The following IMMP2L variants were observed in gnomAD, a reference collection of about 807,000 sequenced individuals.
IMMP2L encodes inner mitochondrial membrane peptidase subunit 2, also known as mitochondrial inner membrane protease subunit 2.
In IMMP2L, 18 loss-of-function variants were observed where a neutral mutation model predicts 19.3. The observed-to-expected ratio is 0.93, with a 90% CI of 0.64 to 1.38. The LOEUF is 1.38. Ranked by LOEUF, IMMP2L falls within the 40% of genes most tolerant of loss-of-function variation. IMMP2L has a pLI of 0.00. For synonymous variants in IMMP2L, 76 were observed against 73.0 expected, an observed-to-expected ratio of 1.04 and a Z score of -0.21; for missense variants, 233 against 218.2, an observed-to-expected ratio of 1.07 and a Z score of -0.43.
At chr7:111,402,663 A>G (rs1458905280) in intron 3 of IMMP2L, among the ~76,000 whole-genome samples, 1 of 152,122 alleles carries the variant, frequency 6.6e-6, no homozygotes. Flanking sequence ...CAGTGAGCCA[A>G]GATCGCACCA....
chr7:110,684,472 A>G (rs1238463252), intron 5 of IMMP2L, among the ~76,000 whole-genome samples: 1 of 152,016 alleles, frequency 6.6e-6, no homozygotes, highest in African/African-American at 2.4e-5. Flanking sequence ...CAGATAGTTC[A>G]GTGCTAGCTC....
intron 3 of IMMP2L, among the ~76,000 whole-genome samples, chr7:111,128,596 G>T (rs1005654271): frequency 3.9e-5 from 6 of 152,178 alleles, no homozygotes; most frequent in African/African-American, 1.4e-4. Context: ...GGAGGCTTAG[G>T]TGAGTGGATC....
At chr7:110,779,971 A>T (rs1182626109) in intron 5 of IMMP2L, among the ~76,000 whole-genome samples, 3 of 151,920 alleles carry the variant, frequency 2.0e-5, no homozygotes, top group African/African-American at 7.2e-5. Flanking sequence ...TAAATGAAAT[A>T]ACCATTGCTA....
At chr7:110,718,212 G>A (rs59756509) in intron 5 of IMMP2L, among the ~76,000 whole-genome samples, 5,853 of 152,258 alleles carry the variant, frequency 0.038, 139 homozygotes, top group Middle Eastern at 0.085. Context: ...GTAAGAATAA[G>A]AGGAAATACA....
At chr7:111,223,855 A>G (rs947217553) in intron 3 of IMMP2L, among the ~76,000 whole-genome samples, 1 of 152,164 alleles carries the variant, frequency 6.6e-6, no homozygotes, top group Non-Finnish European at 1.5e-5. Flanking sequence ...TCCTATGTGT[A>G]GCTTCCATTT....
intron 5 of IMMP2L, among the ~76,000 whole-genome samples, chr7:110,826,335 G>A (rs113813058): frequency 0.22 from 33,971 of 152,066 alleles, 3,884 homozygotes; most frequent in Non-Finnish European, 0.25. Context: ...TCCCATTACC[G>A]GGTATATACC....
At chr7:110,865,315 C>T (rs1016692978) in intron 5 of IMMP2L, among the ~76,000 whole-genome samples, 59 of 151,968 alleles carry the variant, frequency 3.9e-4, no homozygotes, top group Admixed American at 3.8e-3. Flanking sequence ...TTAAGACGGA[C>T]TTTTCTGAAT....
intron 3 of IMMP2L, among the ~76,000 whole-genome samples, chr7:111,015,691 G>C (rs1825435380): frequency 6.6e-6 from 1 of 152,112 alleles, no homozygotes; most frequent in Non-Finnish European, 1.5e-5. Context: ...GGTAAATGGA[G>C]AGTGAATGCT....
chr7:110,838,729 C>T (rs1460001681), intron 5 of IMMP2L, among the ~76,000 whole-genome samples: 2 of 152,066 alleles, frequency 1.3e-5, no homozygotes, highest in African/African-American at 4.8e-5. Context: ...AATTAATTAC[C>T]CAGTTTCAGG....
chr7:110,827,729 A>G (rs140131953), intron 5 of IMMP2L, among the ~76,000 whole-genome samples: 156 of 152,304 alleles, frequency 1.0e-3, no homozygotes, highest in African/African-American at 3.5e-3. Flanking sequence ...AATACATCTA[A>G]TCCCTTTATT....
At chr7:111,032,137 C>T (rs1429264439) in intron 3 of IMMP2L, among the ~76,000 whole-genome samples, 1 of 152,058 alleles carries the variant, frequency 6.6e-6, no homozygotes, top group African/African-American at 2.4e-5. Flanking sequence ...GACAAGGTTT[C>T]GCTATGTTGC....
At chr7:110,863,469 A>ACC (rs1807660010) in intron 5 of IMMP2L, among the ~76,000 whole-genome samples, 1 of 152,064 alleles carries the variant, frequency 6.6e-6, no homozygotes, top group Non-Finnish European at 1.5e-5. Flanking sequence ...TAAAGGTTTG[A>ACC]CTCAGGATTT....
intron 4 of IMMP2L, among the ~76,000 whole-genome samples, chr7:110,928,475 C>CA (rs79902656): frequency 0.029 from 1,368 of 46,862 alleles, 67 homozygotes; most frequent in African/African-American, 0.084. Context: ...GAGAGAAAAA[C>CA]AAAAAAAAAA....
chr7:110,961,889 G>A (rs956980382), intron 4 of IMMP2L, among the ~76,000 whole-genome samples: 18 of 151,890 alleles, frequency 1.2e-4, no homozygotes, highest in African/African-American at 4.3e-4. Flanking sequence ...AAGCAGACCT[G>A]TGGCTGTCTG....
At chr7:110,826,580 C>T (rs557286661) in intron 5 of IMMP2L, among the ~76,000 whole-genome samples, 4 of 152,102 alleles carry the variant, frequency 2.6e-5, no homozygotes, top group East Asian at 3.9e-4. Flanking sequence ...AGCAAACTAT[C>T]GCAAGGACAG....
At chr7:111,319,755 GAAAC>G (rs1323293815) in intron 3 of IMMP2L, among the ~76,000 whole-genome samples, 1 of 151,756 alleles carries the variant, frequency 6.6e-6, no homozygotes, top group African/African-American at 2.4e-5. Flanking sequence ...TATGAAACAG[GAAAC>G]AAACAGATTA....
intron 5 of IMMP2L, among the ~76,000 whole-genome samples, chr7:110,855,409 G>A (rs1806657371): frequency 6.6e-6 from 1 of 152,048 alleles, no homozygotes; most frequent in Non-Finnish European, 1.5e-5. Context: ...CTGGAAAGGT[G>A]TGCATTTTGG....
At chr7:110,934,986 G>A (rs1585330856) in intron 4 of IMMP2L, among the ~76,000 whole-genome samples, 1 of 152,140 alleles carries the variant, frequency 6.6e-6, no homozygotes, top group South Asian at 2.1e-4. Context: ...GGGGCATTTA[G>A]CCCATCTACA....
At chr7:111,328,906 C>CA (rs371716122) in intron 3 of IMMP2L, among the ~76,000 whole-genome samples, 1 of 151,314 alleles carries the variant, frequency 6.6e-6, no homozygotes, top group African/African-American at 2.4e-5. Context: ...TTTAGTCTCA[C>CA]AAAAAAACAT....
Sources: allele counts gnomAD v4.1 joint callset (sites outside exome capture counted in the v4.1 genomes callset), GRCh38; gene constraint gnomAD v4.1.1; transcripts MANE v1.5; gene names NCBI Gene and HGNC (gene_info 2026-07-23, HGNC 2026-07-21).